TMEM131: variants seen among roughly 807,000 people sequenced by gnomAD.
The protein encoded by TMEM131 is 2610524E03Rik.
TMEM131 carries 66 observed loss-of-function variants against 211.6 expected under a neutral mutation model. The observed-to-expected ratio is 0.31, with a 90% CI of 0.26 to 0.38. The LOEUF is 0.38. TMEM131 is among the 10% of genes least tolerant of loss of function. The pLI, the probability that TMEM131 is intolerant of heterozygous loss-of-function variation, is 1.00. For synonymous variants in TMEM131, 844 were observed against 841.3 expected (o/e 1.00, Z -0.06); for missense variants, 2,036 against 2,299.3 (o/e 0.89, Z 2.34).
intron 5 of TMEM131, among the ~76,000 whole-genome samples, chr2:97,856,187 CAT>C (rs1483763580): frequency 6.6e-6 from 1 of 152,010 alleles, no homozygotes; most frequent in Non-Finnish European, 1.5e-5. Flanking sequence ...TGATGCAAAA[CAT>C]ATATTGCATA....
intron 2 of TMEM131, among the ~76,000 whole-genome samples, chr2:97,917,188 C>G (rs1676542858): frequency 6.6e-6 from 1 of 152,182 alleles, no homozygotes; most frequent in South Asian, 2.1e-4. Flanking sequence ...ATGCCCATTT[C>G]TCACATACTG....
intron 35 of TMEM131, chr2:97,762,543 T>C (rs564573226): frequency 3.8e-5 from 9 of 236,518 alleles, no homozygotes; most frequent in African/African-American, 2.1e-4. Flanking sequence ...TGGAAAATCC[T>C]TGTGCCTACA....
At chr2:97,961,137 A>T (rs758189943) in intron 1 of TMEM131, among the ~76,000 whole-genome samples, 12 of 126,994 alleles carry the variant, frequency 9.4e-5, no homozygotes, top group South Asian at 4.5e-4. Flanking sequence ...AACACTATCT[A>T]AAAAAAAAAA....
intron 1 of TMEM131, among the ~76,000 whole-genome samples, chr2:97,985,942 C>A (rs1680008435): frequency 4.8e-5 from 7 of 145,070 alleles, no homozygotes; most frequent in South Asian, 2.1e-4. Context: ...AAGGCAGAAA[C>A]CATTTAAAAA....
At chr2:97,799,832 T>C (rs555720600) in intron 25 of TMEM131, among the ~76,000 whole-genome samples, 1 of 152,306 alleles carries the variant, frequency 6.6e-6, no homozygotes, top group East Asian at 1.9e-4. Flanking sequence ...TGTAGCAGGT[T>C]AGATTTTCAT....
intron 1 of TMEM131, among the ~76,000 whole-genome samples, chr2:97,943,016 GAAAAGA>G (rs1408543667): frequency 1.9e-5 from 2 of 103,196 alleles, no homozygotes; most frequent in African/African-American, 6.9e-5. Flanking sequence ...AGAAAGAAAA[GAAAAGA>G]AAAGAAAAGA....
intron 1 of TMEM131, 104 bp from the exon 2 acceptor site, chr2:97,927,591 G>T: frequency 4.2e-6 from 4 of 959,424 alleles, no homozygotes; most frequent in Non-Finnish European, 4.3e-6. Context: ...ATCTAAAAAT[G>T]GACTGCTTAA....
intron 1 of TMEM131, among the ~76,000 whole-genome samples, chr2:97,950,717 T>C (rs992694020): frequency 6.6e-6 from 1 of 152,176 alleles, no homozygotes; most frequent in Non-Finnish European, 1.5e-5. Flanking sequence ...ATGGGTCTGC[T>C]GATTCCAAGA....
intron 11 of TMEM131, among the ~76,000 whole-genome samples, chr2:97,819,037 C>T (rs1559379422): frequency 6.6e-6 from 1 of 152,186 alleles, no homozygotes; most frequent in African/African-American, 2.4e-5. Context: ...CTAATTCACA[C>T]ACCAGTGGAG....
intron 1 of TMEM131, among the ~76,000 whole-genome samples, chr2:97,973,968 A>G (rs1679414265): frequency 6.6e-6 from 1 of 152,274 alleles, no homozygotes; most frequent in African/African-American, 2.4e-5. Flanking sequence ...TAAAATTTGC[A>G]ATATCTGGCA....
intron 2 of TMEM131, among the ~76,000 whole-genome samples, chr2:97,914,752 G>A (rs777490135): frequency 1.3e-5 from 2 of 152,064 alleles, no homozygotes; most frequent in Non-Finnish European, 2.9e-5. Flanking sequence ...TGGTATGAAC[G>A]TATCACTGTT....
intron 1 of TMEM131, among the ~76,000 whole-genome samples, chr2:97,951,536 CTGGGTAAAA>C (rs761009622): frequency 4.6e-5 from 7 of 152,204 alleles, no homozygotes; most frequent in Non-Finnish European, 5.9e-5. Context: ...GCTACTGCCA[CTGGGTAAAA>C]TGTCTCATTG....
rs146118906 is a variant in TMEM131 at position 97,961,532 on chromosome 2, T to C, written c.187+33944A>G. Among the ~76,000 whole-genome samples, 97 of 152,352 alleles carry C rather than the reference T, an allele frequency of 6.4e-4. 1 individual carries two copies. The highest frequency in any genetic ancestry group is 1.9e-3 in the African/African-American group (80 of 41,584). On this transcript the variant is annotated intron_variant, in intron 1 of 40. Coordinates refer to ENST00000186436, the MANE Select transcript of TMEM131 (RefSeq NM_015348.2). ...TGCTCTCAATCAAAATCTCAGGTTGTTGTTGTTTTCGAAATTGACAAGTCT... is the reference window on the plus strand; with the variant it reads ...TGCTCTCAATCAAAATCTCAGGTTGCTGTTGTTTTCGAAATTGACAAGTCT...
chr2:97,839,404 A>G (rs896494517), intron 7 of TMEM131, among the ~76,000 whole-genome samples: 2 of 152,228 alleles, frequency 1.3e-5, no homozygotes, highest in African/African-American at 2.4e-5. Context: ...CTGATAACAG[A>G]GAAAATGAAT....
intron 31 of TMEM131, 75 bp from the exon 32 acceptor site, chr2:97,776,093 A>G (rs2104818995): frequency 6.7e-7 from 1 of 1,482,500 alleles, no homozygotes; most frequent in South Asian, 1.3e-5. Flanking sequence ...TTGCTCTGTC[A>G]CCCAGGCTGG....
chr2:97,957,112 A>AAAAAT (rs1553620058), intron 1 of TMEM131, among the ~76,000 whole-genome samples: 1 of 150,528 alleles, frequency 6.6e-6, no homozygotes. Flanking sequence ...AAAAAAAAAA[A>AAAAAT]GTTATCCTAC....
At chr2:97,916,809 C>T (rs1676527332) in intron 2 of TMEM131, among the ~76,000 whole-genome samples, 8 of 152,156 alleles carry the variant, frequency 5.3e-5, no homozygotes, top group Admixed American at 5.2e-4. Flanking sequence ...TTAGGTTAAA[C>T]TCCCTGCACT....
At chr2:97,827,768 A>G (rs1248599370) in intron 11 of TMEM131, among the ~76,000 whole-genome samples, 1 of 152,022 alleles carries the variant, frequency 6.6e-6, no homozygotes, top group Non-Finnish European at 1.5e-5. Context: ...GTACAACCAG[A>G]AAATAGTGTG....
At chr2:97,766,727 G>A (rs1168881787) in intron 33 of TMEM131, 125 bp from the exon 34 acceptor site, 11 of 1,154,314 alleles carry the variant, frequency 9.5e-6, no homozygotes, top group African/African-American at 1.5e-5. Context: ...TTCCTGGGGC[G>A]TTATCTACCC....
Sources: allele counts gnomAD v4.1 joint callset (sites outside exome capture counted in the v4.1 genomes callset), GRCh38; gene constraint gnomAD v4.1.1; transcripts MANE v1.5; gene names NCBI Gene and HGNC (gene_info 2026-07-23, HGNC 2026-07-21).